CPNE1: variants seen among roughly 807,000 people sequenced by gnomAD.
The protein encoded by CPNE1 is copine-1.
Under a neutral mutation model 63.2 loss-of-function variants are expected in CPNE1, and 58 were observed. The observed-to-expected ratio is 0.92, with a 90% CI of 0.74 to 1.14. The LOEUF (loss-of-function observed/expected upper bound fraction) is 1.14. Among genes scored for constraint, CPNE1 ranks in the 50% most tolerant of loss-of-function variants. CPNE1 has a pLI of 0.00. For missense variants in CPNE1, 672 were observed against 661.7 expected (o/e 1.02, Z -0.17); for synonymous variants, 237 against 249.0 (o/e 0.95, Z 0.45).
chr20:35,627,661 C>A, intron 13 of CPNE1: 1 of 378,380 alleles, frequency 2.6e-6, no homozygotes, highest in African/African-American at 2.1e-5. Context: ...TGGACAAATC[C>A]AGGAGAGTTT....
chr20:35,635,740 G>A (rs1036147460), intron 1 of CPNE1, among the ~76,000 whole-genome samples: 7 of 152,094 alleles, frequency 4.6e-5, no homozygotes, highest in East Asian at 1.9e-4. Context: ...TGCCTCCAGC[G>A]TCAGCCCTCC....
chr20:35,653,598 A>G (rs781243520), intron 1 of CPNE1: 12 of 1,614,232 alleles, frequency 7.4e-6, no homozygotes, highest in East Asian at 2.2e-5. Context: ...CAACAAGAAC[A>G]TGTACAGCAT....
At chr20:35,651,593 T>C (rs768417589) in intron 1 of CPNE1, 1 of 152,190 alleles carries the variant, frequency 6.6e-6, no homozygotes, top group Non-Finnish European at 1.5e-5. Flanking sequence ...AAATTTCACA[T>C]AATCGGGACA....
chr20:35,653,315 C>A, intron 1 of CPNE1: 1 of 1,613,848 alleles, frequency 6.2e-7, no homozygotes, highest in Non-Finnish European at 8.5e-7. Context: ...GGCAGGCCTG[C>A]ACCGGGAAGT....
intron 1 of CPNE1, among the ~76,000 whole-genome samples, chr20:35,633,738 A>G (rs558137837): frequency 7.9e-4 from 120 of 151,426 alleles, no homozygotes; most frequent in African/African-American, 2.8e-3. Flanking sequence ...AGATCACTTG[A>G]GGTCAGGAGT....
intron 1 of CPNE1, among the ~76,000 whole-genome samples, chr20:35,645,672 A>G (rs976279111): frequency 2.6e-5 from 4 of 152,230 alleles, no homozygotes; most frequent in African/African-American, 9.6e-5. Flanking sequence ...TGTCAATTCA[A>G]TGGTCATAGA....
chr20:35,634,569 G>A (rs185595411), intron 1 of CPNE1, among the ~76,000 whole-genome samples: 3 of 151,936 alleles, frequency 2.0e-5, no homozygotes, highest in Non-Finnish European at 2.9e-5. Context: ...ACTCCAGCCT[G>A]GGCAACAAAG....
At chr20:35,640,013 C>G (rs1351168510) in intron 1 of CPNE1, among the ~76,000 whole-genome samples, 3 of 152,174 alleles carry the variant, frequency 2.0e-5, no homozygotes, top group Non-Finnish European at 4.4e-5. Flanking sequence ...TGAACTCTCA[C>G]TGATGTGAGC....
intron 1 of CPNE1, among the ~76,000 whole-genome samples, chr20:35,633,987 G>C (rs1269258573): frequency 1.4e-5 from 2 of 144,700 alleles, no homozygotes; most frequent in Admixed American, 7.0e-5. Flanking sequence ...AAAGGCCGGG[G>C]ACGGTGGCTC....
At position 35,626,385 on chromosome 20, in the gene CPNE1, C is replaced by A. The variant is rs564634145; in HGVS notation, c.1474-4G>T. The A allele has an allele frequency of 6.2e-7, 1 of 1,613,514 alleles. No homozygotes were observed. The highest frequency in any genetic ancestry group is 1.1e-5 in the South Asian group (1 of 91,076). ...GTGCCAATGCCTCCCGAGGGGCCTG[C>A]CAAGAAAAGGGAAAAGTCAGTGGTG... On this transcript the variant is annotated splice_region_variant and splice_polypyrimidine_tract_variant and intron_variant, in intron 15 of 15. Coordinates refer to ENST00000397443, the MANE Select transcript of CPNE1 (RefSeq NM_152925.3).
chr20:35,642,594 T>C (rs561076318), intron 1 of CPNE1, among the ~76,000 whole-genome samples: 1 of 152,298 alleles, frequency 6.6e-6, no homozygotes, highest in South Asian at 2.1e-4. Context: ...TTTGGCCCCA[T>C]CAAAGGACAT....
chr20:35,642,353 T>C (rs756130947), intron 1 of CPNE1, among the ~76,000 whole-genome samples: 2 of 152,188 alleles, frequency 1.3e-5, no homozygotes, highest in African/African-American at 2.4e-5. Context: ...GAAGGTGGCA[T>C]AGAGGGCTGA....
intron 1 of CPNE1, among the ~76,000 whole-genome samples, chr20:35,636,600 C>A (rs2032498929): frequency 1.3e-5 from 2 of 152,106 alleles, no homozygotes; most frequent in Non-Finnish European, 2.9e-5. Flanking sequence ...AGTTCAAGAC[C>A]AGCGTGGCCA....
At position 35,630,884 on chromosome 20, in the gene CPNE1, G is replaced by C. The variant is rs377640449; in HGVS notation, c.995+17C>G. 3.1e-6 allele frequency: 5 copies of C among 1,603,058 alleles called. No individual in the cohort carries two copies. The African/African-American group carries it at 6.7e-5, about 21-fold the overall frequency. On this transcript the variant is annotated intron_variant, in intron 11 of 15. Coordinates refer to ENST00000397443, the MANE Select transcript of CPNE1 (RefSeq NM_152925.3). The stretch of plus-strand genomic sequence containing the variant: ...ATCTGCAGGGAGCGGGTATAGCCCA[G>C]AGAAGCAGGTACTCACGAGTCATAG...
intron 1 of CPNE1, chr20:35,654,650 G>T: frequency 6.2e-7 from 1 of 1,613,974 alleles, no homozygotes; most frequent in African/African-American, 1.3e-5. Flanking sequence ...GGGGGAATCG[G>T]GGGCACAGGA....
intron 1 of CPNE1, among the ~76,000 whole-genome samples, chr20:35,660,515 G>GGCCTA (rs1378245603): frequency 1.3e-5 from 2 of 152,058 alleles, no homozygotes; most frequent in Non-Finnish European, 2.9e-5. Flanking sequence ...CACCACGCCT[G>GGCCTA]GCCTAGCCTA....
chr20:35,654,475 A>T, intron 1 of CPNE1: 1 of 1,614,218 alleles, frequency 6.2e-7, no homozygotes, highest in East Asian at 2.2e-5. Flanking sequence ...GATAGGGTTA[A>T]CAGGATTCAA....
chr20:35,629,068 A>G (rs1369049119), intron 13 of CPNE1, among the ~76,000 whole-genome samples: 1 of 152,222 alleles, frequency 6.6e-6, no homozygotes, highest in Non-Finnish European at 1.5e-5. Flanking sequence ...GTATATGTAT[A>G]CATGTGTACA....
intron 1 of CPNE1, among the ~76,000 whole-genome samples, chr20:35,646,628 A>C (rs1243447755): frequency 1.3e-5 from 2 of 152,138 alleles, no homozygotes; most frequent in African/African-American, 2.4e-5. Flanking sequence ...AAGAGTTTTA[A>C]GTCCTGGTTA....
Sources: gnomAD v4.1 joint callset for allele counts (sites outside exome capture counted in the v4.1 genomes callset) on GRCh38, gnomAD v4.1.1 for gene constraint, MANE v1.5 for transcripts, NCBI Gene and HGNC (gene_info 2026-07-23, HGNC 2026-07-21) for gene names.